The following SREK1 variants were observed in gnomAD, a reference collection of about 807,000 sequenced individuals.
SREK1 encodes the protein splicing regulatory glutamic acid and lysine rich protein 1.
SREK1 carries 13 observed loss-of-function variants against 66.5 expected under a neutral mutation model. The observed-to-expected ratio is 0.20, with a 90% CI of 0.13 to 0.31. The LOEUF is 0.31. Among genes scored for constraint, SREK1 ranks in the 10% least tolerant of loss-of-function variants. The pLI is 1.00. For missense variants in SREK1, 607 were observed against 769.6 expected (o/e 0.79, Z 2.50); for synonymous variants, 265 against 263.5 (o/e 1.01, Z -0.05).
In SREK1 at chr5:66,174,998, A is replaced by G; in HGVS notation, c.1537A>G (p.Lys513Glu). ...TTCTTCCAGATCGCCAAGAACATCA[A>G]AAACCATAAAAAGGAAATCTTCTAG... ...RSSSRSPRTS[K>E]TIKRKSSRSP... Residue 513 changes from lysine to glutamate, a missense_variant, in exon 10 of 12, where the codon AAA becomes GAA. Lys to Glu is a moderately conservative substitution (Grantham distance 56, BLOSUM62 1). Transcript: ENST00000334121. 1 of 1,612,916 alleles carries G rather than the reference A, an allele frequency of 6.2e-7. No homozygotes were observed. Among genetic ancestry groups the G allele is most frequent in the Non-Finnish European group, 8.5e-7 (1 of 1,179,314 alleles).
chr5:66,147,524 A>T (rs27961), intron 1 of SREK1, among the ~76,000 whole-genome samples: 47 of 151,978 alleles, frequency 3.1e-4, no homozygotes, highest in African/African-American at 1.1e-3. Context: ...AGTAACTAAA[A>T]CCTGAAGGGT....
At position 66,183,260 on chromosome 5, in the gene SREK1, C is replaced by A. The variant is rs1746642415; in HGVS notation, c.*4392C>A. 1 of 152,060 alleles carries A rather than the reference C, an allele frequency of 6.6e-6. No individual in the cohort carries two copies. Among genetic ancestry groups the A allele is most frequent in the Non-Finnish European group, 1.5e-5 (1 of 68,006 alleles). The allele number at this position is 152,060 out of a possible 1,614,324, so 9.4% of individuals were successfully genotyped here. ...TATGTAAGTATAAATTCATAAAAAT[C>A]ACACTGAAAGAATAGGTTGATTTCA... On this transcript the variant is annotated 3_prime_UTR_variant, in exon 12 of 12. Transcript: ENST00000334121.
At position 66,165,147 on chromosome 5, in the gene SREK1, C is replaced by T. The variant is rs368232556; in HGVS notation, c.1001+250C>T. On this transcript the variant is annotated intron_variant, in intron 7 of 11. Transcript: ENST00000334121. ...GAAGTTAGTTTTGTGTCTAAAGATA[C>T]TCTATTCCAGATTTTTCTAAGAGTA... 709 of 310,224 alleles carry T rather than the reference C, an allele frequency of 2.3e-3. 2 individuals carry two copies. Among genetic ancestry groups the T allele is most frequent in the Middle Eastern group, 6.0e-3 (6 of 1,008 alleles). The allele number at this position is 310,224 out of a possible 1,614,324, so 19.2% of individuals were successfully genotyped here.
intron 7 of SREK1, chr5:66,169,554 G>A (rs1028796278): frequency 1.3e-5 from 2 of 152,098 alleles, no homozygotes; most frequent in Non-Finnish European, 2.9e-5. Context: ...TAAAATCAAG[G>A]CATTGCAAAT....
rs1745550716 is a variant in SREK1 at position 66,170,592 on chromosome 5, A to G, written c.1129A>G (p.Arg377Gly). Residue 377 changes from arginine (R) to glycine (G), a missense_variant, in exon 9 of 12, where the codon AGA (arginine) becomes GGA (glycine). Coordinates refer to ENST00000334121, the MANE Select transcript of SREK1 (RefSeq NM_001077199.3). ...SRSRSHSRDK[R>G]KDTREKIKEK... is the part of the protein sequence containing the mutation. ...TTATTTTTGTTTTTAAAGGGACAAG[A>G]GAAAAGACACTCGAGAAAAGATCAA... The G allele has an allele frequency of 6.3e-7, 1 of 1,594,760 alleles. No homozygotes were observed. The highest frequency in any genetic ancestry group is 8.5e-7 in the Non-Finnish European group (1 of 1,174,986).
At position 66,153,530 on chromosome 5, in the gene SREK1, G is replaced by A. The variant is rs371093064; in HGVS notation, c.229G>A (p.Val77Met). The change falls in exon 2 of 12, where the codon GTG becomes ATG. Residue 77 changes from valine to methionine, a missense_variant. Transcript: ENST00000334121. ...VKFRDPSSVG[V>M]AQHLTNTVFI... ...GTTTCGTGATCCATCAAGTGTTGGC[G>A]TGGCCCAGCATCTAACTAACACGGT... 11 of 1,613,850 alleles carry A rather than the reference G, an allele frequency of 6.8e-6. No homozygotes were observed. The highest frequency in any genetic ancestry group is 1.1e-5 in the South Asian group (1 of 91,050).
chr5:66,172,531 G>T (rs964521737), intron 9 of SREK1, among the ~76,000 whole-genome samples: 5 of 152,006 alleles, frequency 3.3e-5, no homozygotes, highest in African/African-American at 1.2e-4. Flanking sequence ...GAGTAGCTGG[G>T]ATTACAGGTG....
chr5:66,160,175 A>C (rs892254164), intron 3 of SREK1, among the ~76,000 whole-genome samples: 3 of 152,060 alleles, frequency 2.0e-5, no homozygotes, highest in African/African-American at 7.2e-5. Context: ...GTTTTTGCTT[A>C]AAAAACTCTG....
intron 10 of SREK1, among the ~76,000 whole-genome samples, chr5:66,175,739 A>G (rs1263958529): frequency 6.6e-6 from 1 of 152,106 alleles, no homozygotes; most frequent in Non-Finnish European, 1.5e-5. Context: ...TTTGAAAGCC[A>G]TTTGTATTTC....
At chr5:66,157,548 T>C (rs1744392567) in intron 2 of SREK1, 1 of 979,596 alleles carries the variant, frequency 1.0e-6, no homozygotes, top group Non-Finnish European at 1.2e-6. Flanking sequence ...GTGAAATCAA[T>C]ATAAATAGTA....
chr5:66,164,603 T>C (rs1242662246), intron 6 of SREK1, 180 bp from the exon 7 acceptor site: 6 of 1,528,052 alleles, frequency 3.9e-6, no homozygotes, highest in Non-Finnish European at 5.3e-6. Flanking sequence ...TATGTACTGC[T>C]GCAGGGTGGC....
Position 66,177,496 on chromosome 5 carries a change from A to C in SREK1, c.1581-18A>C. On this transcript the variant is annotated intron_variant, in intron 10 of 11. Transcript: ENST00000334121. ...TACAATTTCTTAGAATTTAACTGAC[A>C]TATCAATATTCTTATAGCAGAAATA... The C allele has an allele frequency of 3.9e-6, 6 of 1,538,834 alleles. No homozygotes were observed. The highest frequency in any genetic ancestry group is 5.3e-6 in the Non-Finnish European group (6 of 1,139,684).
intron 3 of SREK1, among the ~76,000 whole-genome samples, chr5:66,161,027 G>C (rs1344845037): frequency 6.6e-6 from 1 of 152,060 alleles, no homozygotes; most frequent in East Asian, 1.9e-4. Context: ...TTTTTTGAAG[G>C]TTTTTGCCCT....
intron 8 of SREK1, 34 bp downstream of exon 8, chr5:66,170,204 T>G (rs1450018370): frequency 1.3e-6 from 2 of 1,593,924 alleles, no homozygotes; most frequent in Admixed American, 3.5e-5. Flanking sequence ...TAATTTTTTT[T>G]TCCTCAGAGT....
chr5:66,176,820 T>C (rs1746094259), intron 10 of SREK1, among the ~76,000 whole-genome samples: 1 of 152,108 alleles, frequency 6.6e-6, no homozygotes, highest in African/African-American at 2.4e-5. Context: ...TTGATTTCTG[T>C]ATATTTATTT....
intron 1 of SREK1, among the ~76,000 whole-genome samples, chr5:66,152,723 A>G (rs1301754517): frequency 6.6e-6 from 1 of 152,198 alleles, no homozygotes; most frequent in African/African-American, 2.4e-5. Flanking sequence ...ACAGATTTTA[A>G]TGAAAAGTAA....
intron 3 of SREK1, among the ~76,000 whole-genome samples, chr5:66,159,561 C>G (rs532621873): frequency 6.6e-6 from 1 of 151,558 alleles, no homozygotes; most frequent in African/African-American, 2.4e-5. Context: ...TTTGAGAACC[C>G]CAATAGATTA....
rs115754536 is a variant in SREK1 at position 66,153,439 on chromosome 5, A to C, written c.162-24A>C. 2,601 of 1,600,960 alleles carry C rather than the reference A, an allele frequency of 1.6e-3. 37 individuals carry two copies. In the African/African-American group the frequency reaches 0.03, roughly 19 times the overall value. ...AACCAAGCAAATGTTTATTAGTTCA[A>C]TTGTTTTTCTTTTTATCTTGCAGCA... On this transcript the variant is annotated intron_variant, in intron 1 of 11. Coordinates refer to ENST00000334121, the MANE Select transcript of SREK1 (RefSeq NM_001077199.3).
intron 2 of SREK1, among the ~76,000 whole-genome samples, chr5:66,154,715 A>G (rs1158705585): frequency 6.6e-6 from 1 of 152,092 alleles, no homozygotes; most frequent in East Asian, 1.9e-4. Flanking sequence ...CATTCTCAGT[A>G]TTTTTCAGAT....
Sources: gnomAD v4.1 joint callset for allele counts (sites outside exome capture counted in the v4.1 genomes callset) on GRCh38, gnomAD v4.1.1 for gene constraint, MANE v1.5 for transcripts, NCBI Gene and HGNC (gene_info 2026-07-23, HGNC 2026-07-21) for gene names.